Variants in PRIMPOL observed in about 807,000 individuals in gnomAD.
PRIMPOL encodes the protein DNA-directed primase/polymerase protein.
PRIMPOL carries 54 observed loss-of-function variants against 63.6 expected under a neutral mutation model. The observed-to-expected ratio is 0.85, with a 90% CI of 0.68 to 1.07. PRIMPOL has a LOEUF of 1.07. Ranked by LOEUF, PRIMPOL falls within the 50% of genes least tolerant of loss-of-function variation. PRIMPOL has a pLI of 0.00. For missense variants in PRIMPOL, 610 were observed against 648.3 expected, an observed-to-expected ratio of 0.94 and a Z score of 0.64; for synonymous variants, 197 against 220.2, an observed-to-expected ratio of 0.89 and a Z score of 0.93.
Position 184,691,665 on chromosome 4 carries a change from G to C in PRIMPOL, c.1379-1G>C. On this transcript the variant is annotated splice_acceptor_variant, in intron 12 of 13. Transcript: ENST00000314970. LOFTEE classifies it high-confidence loss of function. ...ATAGTTTTGCTATCTTTCTGATTCA[G>C]GTTTCCCATTACCTGCTGAAGTATG... 1 of 1,611,934 alleles carries C rather than the reference G, an allele frequency of 6.2e-7. No individual in the cohort carries two copies. Among genetic ancestry groups the C allele is most frequent in the East Asian group, 2.2e-5 (1 of 44,786 alleles).
chr4:184,676,967 CCCTTCCTCTTTCCCCCTTCACT>C (rs1397053694), intron 7 of PRIMPOL, among the ~76,000 whole-genome samples: 1 of 1,890 alleles, frequency 5.3e-4, no homozygotes, highest in African/African-American at 3.4e-3. Flanking sequence ...CTTCCCCCTT[CCCTTCCTCTTTCCCCCTTCACT>C]TCCCTTCTCC....
At chr4:184,664,575 T>C (rs1057309720) in intron 5 of PRIMPOL, among the ~76,000 whole-genome samples, 2 of 152,220 alleles carry the variant, frequency 1.3e-5, no homozygotes, top group African/African-American at 4.8e-5. Context: ...TGCATTCTAG[T>C]CAGTACAAAT....
At chr4:184,658,620 T>A (rs1355878435) in intron 3 of PRIMPOL, among the ~76,000 whole-genome samples, 1 of 151,970 alleles carries the variant, frequency 6.6e-6, no homozygotes, top group Non-Finnish European at 1.5e-5. Flanking sequence ...AAAAAAATGG[T>A]TCCGGCTGGG....
chr4:184,653,544 G>T (rs1745332788), intron 2 of PRIMPOL, among the ~76,000 whole-genome samples: 1 of 152,092 alleles, frequency 6.6e-6, no homozygotes. Context: ...TAGAGATGGG[G>T]TTTCACCATG....
chr4:184,694,283 C>A (rs1332551860), intron 13 of PRIMPOL: 1 of 1,281,036 alleles, frequency 7.8e-7, no homozygotes, highest in Non-Finnish European at 9.9e-7. Context: ...AGTATGTGCA[C>A]AGAACTGTAG....
chr4:184,666,845 T>C (rs908328213), intron 6 of PRIMPOL, among the ~76,000 whole-genome samples: 8 of 152,184 alleles, frequency 5.3e-5, no homozygotes, highest in African/African-American at 1.9e-4. Flanking sequence ...TGAAACCAGA[T>C]TATTTATCTC....
At chr4:184,692,698 T>C (rs532839862) in intron 13 of PRIMPOL, among the ~76,000 whole-genome samples, 5 of 152,166 alleles carry the variant, frequency 3.3e-5, no homozygotes, top group African/African-American at 1.2e-4. Flanking sequence ...TTAGTACCTA[T>C]TATCAAATTG....
intron 8 of PRIMPOL, among the ~76,000 whole-genome samples, chr4:184,679,575 A>G (rs1417488663): frequency 6.6e-6 from 1 of 152,236 alleles, no homozygotes; most frequent in Non-Finnish European, 1.5e-5. Context: ...ACTTTAAATA[A>G]TGTGTGATGA....
chr4:184,683,312 A>T (rs1053191896), intron 9 of PRIMPOL, among the ~76,000 whole-genome samples: 1 of 151,772 alleles, frequency 6.6e-6, no homozygotes, highest in Non-Finnish European at 1.5e-5. Flanking sequence ...AATCCGAGCT[A>T]CTCAGGAGAC....
At chr4:184,672,087 A>G in intron 6 of PRIMPOL, 86 bp from the exon 7 acceptor site, 1 of 1,256,396 alleles carries the variant, frequency 8.0e-7, no homozygotes, top group Non-Finnish European at 1.1e-6. Context: ...TTCTGTGTAA[A>G]ATTGTCATAT....
chr4:184,656,344 T>C (rs999456884), intron 2 of PRIMPOL, among the ~76,000 whole-genome samples: 4 of 152,014 alleles, frequency 2.6e-5, no homozygotes, highest in Non-Finnish European at 4.4e-5. Context: ...TGGCAAGGGG[T>C]TTGTGGCTGA....
intron 11 of PRIMPOL, among the ~76,000 whole-genome samples, chr4:184,689,942 C>T (rs1048931681): frequency 6.6e-6 from 1 of 152,158 alleles, no homozygotes; most frequent in South Asian, 2.1e-4. Context: ...GGGCACCTTC[C>T]TGTACAGTTT....
At chr4:184,662,836 A>T (rs1445482024) in intron 5 of PRIMPOL, among the ~76,000 whole-genome samples, 2 of 151,882 alleles carry the variant, frequency 1.3e-5, no homozygotes. Flanking sequence ...AATGCTATTT[A>T]AAAAATATAT....
chr4:184,686,713 T>C lies in PRIMPOL; in HGVS notation c.1295+1029T>C, dbSNP rs148930452. On this transcript the variant is annotated intron_variant, in intron 11 of 13. Coordinates refer to ENST00000314970, the MANE Select transcript of PRIMPOL (RefSeq NM_152683.4). Reference sequence around the variant, plus strand: ...CGTATCCTCAAGCATATGCGGCCTGTGTGCTGGACATGGGGAATGATCGGG... The same window carrying C: ...CGTATCCTCAAGCATATGCGGCCTGCGTGCTGGACATGGGGAATGATCGGG... Among the ~76,000 whole-genome samples, 1,103 of 152,214 alleles carry C rather than the reference T, an allele frequency of 7.2e-3. 12 individuals carry two copies. The highest frequency in any genetic ancestry group is 0.014 in the Middle Eastern group (4 of 294).
Position 184,682,232 on chromosome 4 carries a change from C to T in PRIMPOL, c.1008-16C>T. 11 of 1,436,028 alleles carry T rather than the reference C, an allele frequency of 7.7e-6. No individual in the cohort carries two copies. Among genetic ancestry groups the T allele is most frequent in the Non-Finnish European group, 1.1e-5 (11 of 1,022,378 alleles). The allele number at this position is 1,436,028 out of a possible 1,614,324, so 89.0% of individuals were successfully genotyped here. A position where few individuals can be genotyped will look rare whatever the true frequency, so the allele number is the denominator to read the frequency against. ...GTGTGATGGTGCTTTGTTTCTTTTA[C>T]CTATTTCTTCTTCAGGTTCTCAGAT... On this transcript the variant is annotated splice_polypyrimidine_tract_variant and intron_variant, in intron 8 of 13. Transcript: ENST00000314970.
chr4:184,666,066 TA>T lies in PRIMPOL; in HGVS notation c.556+4del. 6.3e-7 allele frequency: 1 copy of T among 1,598,216 alleles called. No individual in the cohort carries two copies. The highest frequency in any genetic ancestry group is 8.5e-7 in the Non-Finnish European group (1 of 1,172,802). ...CATTTAAAGATAATATTCATGTTGG[TA>T]AGTACACGGCTTTTTAAAAATCATG... On this transcript the variant is annotated splice_donor_region_variant and intron_variant, in intron 6 of 13. Coordinates refer to ENST00000314970, the MANE Select transcript of PRIMPOL (RefSeq NM_152683.4).
chr4:184,692,623 C>CT (rs895007171), intron 13 of PRIMPOL, among the ~76,000 whole-genome samples: 22 of 133,220 alleles, frequency 1.7e-4, no homozygotes, highest in Admixed American at 3.5e-4. Flanking sequence ...TGCTCATTTT[C>CT]TTTTTTTTTG....
At chr4:184,673,519 G>A (rs994188418) in intron 7 of PRIMPOL, among the ~76,000 whole-genome samples, 1 of 150,990 alleles carries the variant, frequency 6.6e-6, no homozygotes, top group African/African-American at 2.4e-5. Flanking sequence ...CCGCCTCCCG[G>A]GTTCAAACGA....
intron 1 of PRIMPOL, among the ~76,000 whole-genome samples, chr4:184,651,795 C>A (rs371055195): frequency 6.6e-6 from 1 of 152,158 alleles, no homozygotes. Context: ...ATTACAGGTG[C>A]CTACCACTAG....
Sources: allele counts gnomAD v4.1 joint callset (sites outside exome capture counted in the v4.1 genomes callset), GRCh38; gene constraint gnomAD v4.1.1; transcripts MANE v1.5; gene names NCBI Gene and HGNC (gene_info 2026-07-23, HGNC 2026-07-21).